The following SORBS2 variants were observed in gnomAD, a reference collection of about 807,000 sequenced individuals.
SORBS2 encodes sorbin and SH3 domain-containing protein 2.
SORBS2 carries 46 observed loss-of-function variants against 97.7 expected under a neutral mutation model. That is an observed-to-expected ratio of 0.47 (90% CI 0.37 to 0.60). The LOEUF is 0.60. Among genes scored for constraint, SORBS2 ranks in the 20% least tolerant of loss-of-function variants. The pLI is 0.00. For synonymous variants in SORBS2, 476 were observed against 473.4 expected (o/e 1.01, Z -0.07); for missense variants, 1,316 against 1,282.3 (o/e 1.03, Z -0.40).
upstream of SORBS2, among the ~76,000 whole-genome samples, chr4:185,658,316 G>GTTC (rs2097443776): frequency 6.6e-6 from 1 of 152,148 alleles, no homozygotes. Context: ...GGCTTATCGA[G>GTTC]TTCTTCATGT....
chr4:185,678,430 G>T, exon 4 of SORBS2: 1 of 1,549,664 alleles, frequency 6.5e-7, no homozygotes, highest in Non-Finnish European at 8.7e-7. Flanking sequence ...TACCTGAGTT[G>T]GTGATCTTTT....
chr4:185,872,198 GAA>G (rs2099230786), intron 1 of SORBS2, among the ~76,000 whole-genome samples: 2 of 152,198 alleles, frequency 1.3e-5, no homozygotes, highest in South Asian at 4.1e-4. Flanking sequence ...CCAGGGGAAA[GAA>G]GAGAAATTCC....
intron 1 of SORBS2, among the ~76,000 whole-genome samples, chr4:185,888,160 A>T (rs1299946264): frequency 6.6e-6 from 1 of 152,064 alleles, no homozygotes; most frequent in Non-Finnish European, 1.5e-5. Flanking sequence ...TACTCTGTAA[A>T]ATGCTCGTGC....
intron 2 of SORBS2, among the ~76,000 whole-genome samples, chr4:185,721,371 G>A (rs1279959568): frequency 1.3e-5 from 2 of 152,120 alleles, no homozygotes; most frequent in South Asian, 2.1e-4. Flanking sequence ...CAGCATACCC[G>A]GTCCCCACCT....
At chr4:185,689,276 G>C (rs1382706015) in intron 2 of SORBS2, among the ~76,000 whole-genome samples, 1 of 152,162 alleles carries the variant, frequency 6.6e-6, no homozygotes, top group Admixed American at 6.5e-5. Context: ...GTCTTGGAAG[G>C]ATCAGGAAAT....
At chr4:185,914,000 A>C (rs1321873365) in intron 1 of SORBS2, among the ~76,000 whole-genome samples, 1 of 152,166 alleles carries the variant, frequency 6.6e-6, no homozygotes, top group Non-Finnish European at 1.5e-5. Context: ...CAAACCTTCA[A>C]ATATGTTCAG....
At chr4:185,658,062 G>T (rs746754435), upstream of SORBS2, among the ~76,000 whole-genome samples, 3 of 152,122 alleles carry the variant, frequency 2.0e-5, no homozygotes, top group Admixed American at 6.5e-5. Flanking sequence ...GTTTTGAAAT[G>T]TATTTCCAGA....
At chr4:185,945,439 T>C (rs983556300) in intron 1 of SORBS2, among the ~76,000 whole-genome samples, 1 of 152,226 alleles carries the variant, frequency 6.6e-6, no homozygotes, top group African/African-American at 2.4e-5. Context: ...GCACATTTAA[T>C]AGGCAACATT....
At chr4:185,857,142 T>A (rs538356209) in intron 1 of SORBS2, among the ~76,000 whole-genome samples, 2 of 152,266 alleles carry the variant, frequency 1.3e-5, no homozygotes, top group Admixed American at 1.3e-4. Flanking sequence ...TTGCAGGAAG[T>A]CAGGGACCCT....
intron 4 of SORBS2, among the ~76,000 whole-genome samples, chr4:185,637,629 C>T (rs75138355): frequency 0.013 from 1,962 of 152,100 alleles, 19 homozygotes; most frequent in South Asian, 0.021. Context: ...TTCTTCTTGG[C>T]GGGACATCAG....
chr4:185,807,145 A>G (rs568628761), intron 1 of SORBS2, among the ~76,000 whole-genome samples: 3 of 152,304 alleles, frequency 2.0e-5, no homozygotes, highest in East Asian at 3.9e-4. Flanking sequence ...AAAACAAAAT[A>G]TCACCGAAAC....
At chr4:185,842,930 TA>T (rs56193107) in intron 1 of SORBS2, among the ~76,000 whole-genome samples, 17,818 of 122,220 alleles carry the variant, frequency 0.15, 1,118 homozygotes, top group Admixed American at 0.17. Flanking sequence ...AAAGACTGTC[TA>T]AAAAAAAAAA....
At chr4:185,840,453 T>A (rs2099210823) in intron 1 of SORBS2, among the ~76,000 whole-genome samples, 1 of 152,200 alleles carries the variant, frequency 6.6e-6, no homozygotes, top group Admixed American at 6.5e-5. Flanking sequence ...GCATAGCTGA[T>A]CCATGACCCT....
intron 2 of SORBS2, among the ~76,000 whole-genome samples, chr4:185,757,636 T>G (rs1334212584): frequency 7.0e-6 from 1 of 143,812 alleles, no homozygotes; most frequent in African/African-American, 2.6e-5. Context: ...ATTAAATCAC[T>G]GTCTCAACTC....
chr4:185,739,299 C>A (rs1270593357), intron 2 of SORBS2, among the ~76,000 whole-genome samples: 1 of 152,076 alleles, frequency 6.6e-6, no homozygotes, highest in Non-Finnish European at 1.5e-5. Flanking sequence ...CTTGAAAAAG[C>A]AATAATAGCT....
At chr4:185,869,719 T>C (rs1439466849) in intron 1 of SORBS2, among the ~76,000 whole-genome samples, 1 of 152,172 alleles carries the variant, frequency 6.6e-6, no homozygotes. Context: ...GGTAGGCAAG[T>C]GGAGTGTCTG....
rs1256030050 is a variant in SORBS2 at position 185,747,915 on chromosome 4, C to G, written c.-198+27312G>C. On this transcript the variant is annotated intron_variant, in intron 2 of 20. Transcript: ENST00000284776. Reference sequence around the variant, plus strand: ...CTGAGGCAGGAGAATCACTTGAACCCAGGAGGCGGAGGTTGCAGTGAGCTG... The same window carrying G: ...CTGAGGCAGGAGAATCACTTGAACCGAGGAGGCGGAGGTTGCAGTGAGCTG... 5.3e-5 allele frequency among the ~76,000 whole-genome samples: 8 copies of G among 152,108 alleles called. No homozygotes were observed. In the East Asian group the frequency reaches 9.7e-4, roughly 18 times the overall value.
intron 1 of SORBS2, among the ~76,000 whole-genome samples, chr4:185,848,136 A>C (rs1338597860): frequency 6.6e-6 from 1 of 152,094 alleles, no homozygotes; most frequent in African/African-American, 2.4e-5. Flanking sequence ...AAATTATATG[A>C]GTACAGTGGA....
At chr4:185,938,190 G>C (rs1457652104) in intron 1 of SORBS2, among the ~76,000 whole-genome samples, 2 of 151,650 alleles carry the variant, frequency 1.3e-5, no homozygotes, top group Non-Finnish European at 2.9e-5. Context: ...TAGCGATGAG[G>C]CTTCACCAGG....
Sources: allele counts gnomAD v4.1 joint callset (sites outside exome capture counted in the v4.1 genomes callset), GRCh38; gene constraint gnomAD v4.1.1; transcripts MANE v1.5; gene names NCBI Gene and HGNC (gene_info 2026-07-23, HGNC 2026-07-21).